Variants in LDB2 observed in about 807,000 individuals in gnomAD.
LDB2 encodes the protein LIM domain binding 2, also known as LIM domain-binding protein 2.
LDB2 carries 12 observed loss-of-function variants against 44.3 expected under a neutral mutation model. That is an observed-to-expected ratio of 0.27 (90% CI 0.17 to 0.44). The LOEUF is 0.44. LDB2 is among the 20% of genes least tolerant of loss of function. The probability of loss-of-function intolerance (pLI) is 1.00; values close to 1 mark genes in which losing one functional copy is unlikely to be tolerated. For missense variants in LDB2, 344 were observed against 473.5 expected (o/e 0.73, Z 2.54); for synonymous variants, 164 against 174.8 (o/e 0.94, Z 0.49).
At chr4:16,585,888 T>C in intron 5 of LDB2, 34 bp downstream of exon 5, 1 of 1,562,794 alleles carries the variant, frequency 6.4e-7, no homozygotes, top group Non-Finnish European at 8.8e-7. Context: ...CTTTTCAAAC[T>C]CACCAAAAAA....
chr4:16,667,326 C>G (rs1254431360), intron 2 of LDB2, among the ~76,000 whole-genome samples: 1 of 152,208 alleles, frequency 6.6e-6, no homozygotes, highest in Non-Finnish European at 1.5e-5. Context: ...CCTTGCCGTG[C>G]ACGGAGCCCT....
chr4:16,848,013 T>A (rs1787428974), intron 1 of LDB2, among the ~76,000 whole-genome samples: 1 of 152,114 alleles, frequency 6.6e-6, no homozygotes, highest in African/African-American at 2.4e-5. Flanking sequence ...GTGAAAAAAA[T>A]AAAATAAAAA....
intron 5 of LDB2, among the ~76,000 whole-genome samples, chr4:16,538,712 A>G (rs1732705386): frequency 1.3e-5 from 2 of 152,234 alleles, no homozygotes; most frequent in African/African-American, 4.8e-5. Flanking sequence ...TACCATCATA[A>G]GACTGAGTCA....
At chr4:16,748,836 T>C (rs1020112258) in intron 2 of LDB2, among the ~76,000 whole-genome samples, 2 of 152,162 alleles carry the variant, frequency 1.3e-5, no homozygotes, top group Non-Finnish European at 2.9e-5. Context: ...GTGTGAAGCA[T>C]TATTAGGAAC....
intron 2 of LDB2, among the ~76,000 whole-genome samples, chr4:16,731,559 G>A (rs1272433647): frequency 6.6e-6 from 1 of 152,140 alleles, no homozygotes; most frequent in African/African-American, 2.4e-5. Context: ...AAAGTCAAGT[G>A]AGCAAGCCAA....
At chr4:16,739,484 G>A (rs1277046045) in intron 2 of LDB2, among the ~76,000 whole-genome samples, 3 of 147,108 alleles carry the variant, frequency 2.0e-5, no homozygotes, top group Non-Finnish European at 3.0e-5. Context: ...CACTTAAGCG[G>A]CTGAGGCACA....
At chr4:16,547,314 G>C (rs141822262) in intron 5 of LDB2, among the ~76,000 whole-genome samples, 19 of 152,324 alleles carry the variant, frequency 1.2e-4, no homozygotes, top group African/African-American at 4.3e-4. Flanking sequence ...CAGCCATTGT[G>C]ACACCTTGAC....
At chr4:16,702,985 C>T (rs1753809380) in intron 2 of LDB2, among the ~76,000 whole-genome samples, 1 of 152,198 alleles carries the variant, frequency 6.6e-6, no homozygotes, top group Non-Finnish European at 1.5e-5. Context: ...CTCTAGGAAG[C>T]TGTTTCTGAC....
At chr4:16,631,783 T>C (rs1376225112) in intron 2 of LDB2, among the ~76,000 whole-genome samples, 1 of 152,132 alleles carries the variant, frequency 6.6e-6, no homozygotes, top group Non-Finnish European at 1.5e-5. Context: ...AAATACAAAC[T>C]ACCATCAGAG....
At chr4:16,882,945 G>A (rs966263768) in intron 1 of LDB2, among the ~76,000 whole-genome samples, 4 of 152,134 alleles carry the variant, frequency 2.6e-5, no homozygotes, top group African/African-American at 9.7e-5. Flanking sequence ...AAAAACTGGT[G>A]ATGCAGGGCA....
intron 1 of LDB2, among the ~76,000 whole-genome samples, chr4:16,787,388 A>T (rs1268446983): frequency 6.6e-6 from 1 of 152,178 alleles, no homozygotes; most frequent in Non-Finnish European, 1.5e-5. Flanking sequence ...CAAGGTGGGC[A>T]TATCACCCGA....
chr4:16,729,015 T>C (rs1052826056), intron 2 of LDB2, among the ~76,000 whole-genome samples: 2 of 152,174 alleles, frequency 1.3e-5, no homozygotes, highest in African/African-American at 4.8e-5. Context: ...TGGGTATAGA[T>C]CTATGGTCTG....
chr4:16,897,664 T>C (rs1561572753), intron 1 of LDB2, among the ~76,000 whole-genome samples: 1 of 151,614 alleles, frequency 6.6e-6, no homozygotes, highest in Non-Finnish European at 1.5e-5. Context: ...TGTCCTAAGG[T>C]AGAGTGATAG....
At chr4:16,686,906 G>A (rs1292973305) in intron 2 of LDB2, among the ~76,000 whole-genome samples, 2 of 152,090 alleles carry the variant, frequency 1.3e-5, no homozygotes, top group African/African-American at 4.8e-5. Context: ...TATTCCTCCA[G>A]CTTTCACTCT....
At chr4:16,666,092 C>T (rs552190095) in intron 2 of LDB2, among the ~76,000 whole-genome samples, 15 of 152,246 alleles carry the variant, frequency 9.9e-5, no homozygotes, top group South Asian at 2.1e-4. Context: ...TACATTTCTG[C>T]GGTTTTAAGC....
chr4:16,529,289 C>T (rs1729328419), intron 5 of LDB2, among the ~76,000 whole-genome samples: 1 of 152,168 alleles, frequency 6.6e-6, no homozygotes, highest in Admixed American at 6.5e-5. Context: ...GTATCTCTAT[C>T]ATCCTGTGGT....
At chr4:16,610,780 G>A (rs747063813) in intron 2 of LDB2, among the ~76,000 whole-genome samples, 6 of 152,114 alleles carry the variant, frequency 3.9e-5, no homozygotes, top group Non-Finnish European at 5.9e-5. Flanking sequence ...AAACAAGCTG[G>A]AAAACACCCT....
chr4:16,627,657 G>A (rs1332493468), intron 2 of LDB2, among the ~76,000 whole-genome samples: 1 of 152,114 alleles, frequency 6.6e-6, no homozygotes, highest in Non-Finnish European at 1.5e-5. Context: ...GGTGTGGTAG[G>A]CAGCCTCCAA....
intron 2 of LDB2, among the ~76,000 whole-genome samples, chr4:16,660,628 T>C (rs1388980437): frequency 1.3e-5 from 2 of 152,256 alleles, no homozygotes; most frequent in South Asian, 4.1e-4. Flanking sequence ...AAAGATGAGG[T>C]AGACATCAAG....
Sources: gnomAD v4.1 joint callset for allele counts (sites outside exome capture counted in the v4.1 genomes callset) on GRCh38, gnomAD v4.1.1 for gene constraint, MANE v1.5 for transcripts, NCBI Gene and HGNC (gene_info 2026-07-23, HGNC 2026-07-21) for gene names.